MCTP2: variants seen among roughly 807,000 people sequenced by gnomAD.
The protein encoded by MCTP2 is multiple C2 and transmembrane domain-containing protein 2.
Under a neutral mutation model 111.6 loss-of-function variants are expected in MCTP2, and 132 were observed. The observed-to-expected ratio is 1.18, with a 90% CI of 1.03 to 1.37. MCTP2 has a LOEUF of 1.37. MCTP2 is among the 40% of genes most tolerant of loss of function. MCTP2 has a pLI of 0.00. For synonymous variants in MCTP2, 395 were observed against 387.7 expected (o/e 1.02, Z -0.22); for missense variants, 1,183 against 1,067.9 (o/e 1.11, Z -1.50).
intron 6 of MCTP2, among the ~76,000 whole-genome samples, chr15:94,340,550 A>C (rs1195283611): frequency 6.6e-6 from 1 of 152,242 alleles, no homozygotes; most frequent in Non-Finnish European, 1.5e-5. Flanking sequence ...CATTAACATA[A>C]CTTAAAATTA....
At chr15:94,255,449 C>T (rs1160680730) in intron 1 of MCTP2, among the ~76,000 whole-genome samples, 1 of 151,994 alleles carries the variant, frequency 6.6e-6, no homozygotes, top group Non-Finnish European at 1.5e-5. Flanking sequence ...AGATTATTAA[C>T]TTTTTAGCAG....
Position 94,253,430 on chromosome 15 carries a change from C to A in MCTP2, c.-66+21766C>A, listed in dbSNP as rs115069075. On this transcript the variant is annotated intron_variant, in intron 1 of 22. Transcript: ENST00000357742. ...GCTGCTGCCTGCTCCCTATTCCTCTCCAACACATATAATCAGCAAATTACA... is the reference window on the plus strand; with the variant it reads ...GCTGCTGCCTGCTCCCTATTCCTCTACAACACATATAATCAGCAAATTACA... Among the ~76,000 whole-genome samples the A allele has an allele frequency of 9.7e-3, 1,479 of 152,286 alleles. 24 individuals carry two copies. Among genetic ancestry groups the A allele is most frequent in the African/African-American group, 0.032 (1,345 of 41,536 alleles).
intron 4 of MCTP2, among the ~76,000 whole-genome samples, chr15:94,326,787 C>T (rs1334582355): frequency 1.4e-5 from 2 of 145,734 alleles, no homozygotes; most frequent in Non-Finnish European, 3.0e-5. Context: ...AGGCTGGTCT[C>T]GAACTCTTGA....
At chr15:94,294,246 C>G (rs2075160078) in intron 1 of MCTP2, among the ~76,000 whole-genome samples, 1 of 152,186 alleles carries the variant, frequency 6.6e-6, no homozygotes, top group South Asian at 2.1e-4. Context: ...TGGGGATAGA[C>G]AGACCCCTCT....
At chr15:94,307,108 A>G (rs1029610930) in intron 2 of MCTP2, among the ~76,000 whole-genome samples, 5 of 152,128 alleles carry the variant, frequency 3.3e-5, no homozygotes, top group Non-Finnish European at 7.3e-5. Flanking sequence ...CACCTGTTGA[A>G]CGCCTGCTTT....
rs1596586095 is a variant in MCTP2, at chr15:94,399,612, A to G, written c.1891-309A>G. The G allele has an allele frequency of 1.3e-5, 3 of 229,604 alleles. No individual in the cohort carries two copies. The East Asian group carries it at 2.7e-4, about 21-fold the overall frequency. The allele number at this position is 229,604 out of a possible 1,614,324, so 14.2% of individuals were successfully genotyped here. A position where few individuals can be genotyped will look rare whatever the true frequency, so the allele number is the denominator to read the frequency against. On this transcript the variant is annotated intron_variant, in intron 15 of 22. Transcript: ENST00000357742. ...CAAAAGGATTTCAGAAGGAAGTTTT[A>G]TCTTTTACGGACGTTAGTTTGAAAA...
At chr15:94,298,145 G>A in intron 1 of MCTP2, 56 bp from the exon 2 acceptor site, 1 of 756,500 alleles carries the variant, frequency 1.3e-6, no homozygotes. Context: ...CACCAAGAAG[G>A]TTCATGTTTT....
intron 4 of MCTP2, among the ~76,000 whole-genome samples, chr15:94,337,119 G>A (rs183895413): frequency 6.6e-6 from 1 of 152,204 alleles, no homozygotes; most frequent in Admixed American, 6.5e-5. Flanking sequence ...TGACAGTGAG[G>A]CACTTAGGCT....
chr15:94,354,235 A>ATG (rs375576986), intron 8 of MCTP2, among the ~76,000 whole-genome samples: 148 of 151,490 alleles, frequency 9.8e-4, no homozygotes, highest in African/African-American at 3.3e-3. Context: ...TGCAGAACCT[A>ATG]TGTGTGTGTG....
intron 1 of MCTP2, among the ~76,000 whole-genome samples, chr15:94,250,445 C>G (rs1317047441): frequency 6.6e-6 from 1 of 152,068 alleles, no homozygotes; most frequent in Non-Finnish European, 1.5e-5. Flanking sequence ...CTATAGAAGC[C>G]TATGAACACT....
At chr15:94,277,832 T>C (rs901855833) in intron 1 of MCTP2, among the ~76,000 whole-genome samples, 5 of 152,192 alleles carry the variant, frequency 3.3e-5, no homozygotes, top group Non-Finnish European at 7.4e-5. Context: ...TAGATTTAGT[T>C]GTTAATCATG....
intron 22 of MCTP2, among the ~76,000 whole-genome samples, chr15:94,477,637 A>G (rs1282787300): frequency 6.6e-6 from 1 of 152,050 alleles, no homozygotes; most frequent in Non-Finnish European, 1.5e-5. Flanking sequence ...TCAAATATCG[A>G]TTTTCATATT....
intron 3 of MCTP2, 93 bp downstream of exon 3, chr15:94,314,437 A>T (rs1181843595): frequency 2.3e-5 from 3 of 131,016 alleles, no homozygotes; most frequent in African/African-American, 5.0e-5. Context: ...TTTTATTGCT[A>T]AAAAAAAAAA....
chr15:94,325,472 C>T (rs1454903509), intron 4 of MCTP2, among the ~76,000 whole-genome samples: 2 of 152,130 alleles, frequency 1.3e-5, no homozygotes, highest in East Asian at 1.9e-4. Context: ...CCAGTTTCCT[C>T]ATCAATTTTT....
chr15:94,314,499 TGGA>T lies in MCTP2; in HGVS notation c.528+160_528+162del, dbSNP rs369955633. 9.9e-5 allele frequency among the ~76,000 whole-genome samples: 15 copies of T among 151,726 alleles called. No individual in the cohort carries two copies. The East Asian group carries it at 2.5e-3, about 26-fold the overall frequency. On this transcript the variant is annotated intron_variant, in intron 3 of 22. Coordinates refer to ENST00000357742, the MANE Select transcript of MCTP2 (RefSeq NM_001385001.1). ...AAAACCAGGCCTTGCAAATTTTCGC[TGGA>T]GGAGATTAATTCAGTATCTATTGAT... is the stretch of plus-strand genomic sequence containing the variant.
chr15:94,317,175 C>G lies in MCTP2; in HGVS notation c.637+1538C>G, dbSNP rs1020543388. On this transcript the variant is annotated intron_variant, in intron 4 of 22. Coordinates refer to ENST00000357742, the MANE Select transcript of MCTP2 (RefSeq NM_001385001.1). ...AAATATCCTGCTTGCTGCTCTATTT[C>G]TTGGATATCAGTTTAATGTATTGAC... Among the ~76,000 whole-genome samples the G allele has an allele frequency of 2.6e-5, 4 of 152,226 alleles. No individual in the cohort carries two copies. The South Asian group carries it at 8.3e-4, about 32-fold the overall frequency.
At chr15:94,234,750 A>G (rs905663638) in intron 1 of MCTP2, among the ~76,000 whole-genome samples, 7 of 152,138 alleles carry the variant, frequency 4.6e-5, no homozygotes, top group Non-Finnish European at 1.0e-4. Context: ...GGAGTTTTCT[A>G]ATGTCCCAAG....
At chr15:94,336,911 C>A (rs941243800) in intron 4 of MCTP2, among the ~76,000 whole-genome samples, 2 of 151,958 alleles carry the variant, frequency 1.3e-5, no homozygotes. Context: ...AATGGAGGCA[C>A]CGTCTCTGGA....
chr15:94,295,599 T>A (rs1011053230), intron 1 of MCTP2, among the ~76,000 whole-genome samples: 7 of 152,282 alleles, frequency 4.6e-5, no homozygotes, highest in African/African-American at 1.7e-4. Flanking sequence ...TCAATCTCAT[T>A]ATTTTTGCTG....
Sources: gnomAD v4.1 joint callset for allele counts (sites outside exome capture counted in the v4.1 genomes callset) on GRCh38, gnomAD v4.1.1 for gene constraint, MANE v1.5 for transcripts, NCBI Gene and HGNC (gene_info 2026-07-23, HGNC 2026-07-21) for gene names.